The following GALK2 variants were observed in gnomAD, a reference collection of about 807,000 sequenced individuals.
GALK2 encodes the protein galactokinase 2.
GALK2 carries 36 observed loss-of-function variants against 52.4 expected under a neutral mutation model. The observed-to-expected ratio is 0.69, with a 90% CI of 0.53 to 0.91. The LOEUF is 0.91. GALK2 is among the 40% of genes least tolerant of loss of function. The pLI is 0.00. For missense variants in GALK2, 579 were observed against 559.1 expected (o/e 1.04, Z -0.36); for synonymous variants, 176 against 199.1 (o/e 0.88, Z 0.98).
At position 49,237,760 on chromosome 15, in the gene GALK2, C is replaced by T. The variant is rs533278684; in HGVS notation, c.358-1461C>T. Among the ~76,000 whole-genome samples, 10 of 152,282 alleles carry T rather than the reference C, an allele frequency of 6.6e-5. No individual in the cohort carries two copies. In the South Asian group the frequency reaches 1.5e-3, roughly 22 times the overall value. On this transcript the variant is annotated intron_variant, in intron 4 of 9. Transcript: ENST00000560031. ...AAAGTGCTGGGATTGCAGGTGTGAGCCACTGCGCCCGGCTGATAAGTTCTT... is the reference window on the plus strand; with the variant it reads ...AAAGTGCTGGGATTGCAGGTGTGAGTCACTGCGCCCGGCTGATAAGTTCTT...
At chr15:49,255,787 T>A (rs978205734) in intron 5 of GALK2, among the ~76,000 whole-genome samples, 1 of 152,166 alleles carries the variant, frequency 6.6e-6, no homozygotes, top group Admixed American at 6.6e-5. Context: ...GACTATAACA[T>A]AGTCTTCTAT....
At chr15:49,277,137 ATTTTTTTTTTTTTTTTTTT>A (rs1272500341) in intron 5 of GALK2, among the ~76,000 whole-genome samples, 3,843 of 35,960 alleles carry the variant, frequency 0.11, 230 homozygotes, top group African/African-American at 0.2. Context: ...TAATTTTTGT[ATTTTTTTTTTTTTTTTTTT>A]TTTTTTTTTT....
At chr15:49,353,854 A>G (rs1596427049) in intron 3 of GALK2, 1 of 152,226 alleles carries the variant, frequency 6.6e-6, no homozygotes, top group East Asian at 1.9e-4. Flanking sequence ...GGTTCTTACC[A>G]TATGTTAATT....
chr15:49,209,865 A>T (rs1359176963), intron 2 of GALK2, among the ~76,000 whole-genome samples: 1 of 152,202 alleles, frequency 6.6e-6, no homozygotes, highest in Non-Finnish European at 1.5e-5. Context: ...GTTTCAAAGA[A>T]TTCCCCGCCT....
At chr15:49,358,662 C>T (rs2043612467) in intron 3 of GALK2, among the ~76,000 whole-genome samples, 1 of 150,124 alleles carries the variant, frequency 6.7e-6, no homozygotes, top group Non-Finnish European at 1.5e-5. Flanking sequence ...GCCATACAGC[C>T]CAAGGTAATT....
At chr15:49,276,405 C>T (rs1358149742) in intron 5 of GALK2, among the ~76,000 whole-genome samples, 3 of 152,134 alleles carry the variant, frequency 2.0e-5, no homozygotes. Context: ...GAATGGTGTT[C>T]CTGAATTCAT....
intron 3 of GALK2, among the ~76,000 whole-genome samples, chr15:49,344,565 C>CT (rs1181391141): frequency 6.6e-6 from 1 of 152,150 alleles, no homozygotes; most frequent in African/African-American, 2.4e-5. Flanking sequence ...GACTGTAACT[C>CT]TTTTATCTGA....
chr15:49,278,984 C>A (rs562357192), intron 5 of GALK2, among the ~76,000 whole-genome samples: 112 of 152,290 alleles, frequency 7.4e-4, no homozygotes, highest in African/African-American at 2.6e-3. Context: ...GGGGAAATGC[C>A]AGACACTTAT....
At position 49,329,704 on chromosome 15, in the gene GALK2, GAATT is replaced by G. The variant is rs996498828; in HGVS notation, c.*1546_*1549del. The G allele has an allele frequency of 4.1e-6, 4 of 971,910 alleles. No homozygotes were observed. The highest frequency in any genetic ancestry group is 4.9e-6 in the Non-Finnish European group (4 of 818,544). The allele number at this position is 971,910 out of a possible 1,614,324, so 60.2% of individuals were successfully genotyped here. ...CTATAAATCCAAAAATCTGAAACCTGAATTTATTTAAATTTATAATCCTTTATTT... is the reference window on the plus strand; with the variant it reads ...CTATAAATCCAAAAATCTGAAACCTGTATTTAAATTTATAATCCTTTATTT... On this transcript the variant is annotated 3_prime_UTR_variant, in exon 10 of 10. Transcript: ENST00000560031.
At chr15:49,275,199 T>C (rs1166192249) in intron 5 of GALK2, among the ~76,000 whole-genome samples, 1 of 152,226 alleles carries the variant, frequency 6.6e-6, no homozygotes, top group Non-Finnish European at 1.5e-5. Context: ...CACTAGGTGA[T>C]AGGAATTGTT....
Position 49,194,753 on chromosome 15 carries a change from G to A in GALK2, c.54-6409G>A, listed in dbSNP as rs781763009. On this transcript the variant is annotated intron_variant, in intron 1 of 9. Transcript: ENST00000560031. Reference sequence around the variant, plus strand: ...TAGGATTACAAGCACGTGCCACCATGCCCAGCTAATTTTGTATTTATACTA... The same window carrying A: ...TAGGATTACAAGCACGTGCCACCATACCCAGCTAATTTTGTATTTATACTA... Among the ~76,000 whole-genome samples, 4 of 151,608 alleles carry A rather than the reference G, an allele frequency of 2.6e-5. No homozygotes were observed. In the East Asian group the frequency reaches 7.8e-4, roughly 30 times the overall value.
intron 2 of GALK2, among the ~76,000 whole-genome samples, chr15:49,211,993 T>A (rs983042663): frequency 6.6e-6 from 1 of 152,222 alleles, no homozygotes; most frequent in African/African-American, 2.4e-5. Flanking sequence ...ATATAGTTGC[T>A]CATAATAGTC....
At chr15:49,241,617 T>C (rs1055866018) in intron 5 of GALK2, among the ~76,000 whole-genome samples, 1 of 152,188 alleles carries the variant, frequency 6.6e-6, no homozygotes, top group African/African-American at 2.4e-5. Flanking sequence ...GAAGGGTCTA[T>C]AAGGGGTAAG....
intron 5 of GALK2, among the ~76,000 whole-genome samples, chr15:49,278,965 G>C (rs2141742082): frequency 6.6e-6 from 1 of 152,342 alleles, no homozygotes; most frequent in East Asian, 1.9e-4. Flanking sequence ...GGCGGAGTGA[G>C]TGCAGGCAGG....
At chr15:49,366,361 A>G (rs2045189818) in intron 3 of GALK2, 3 of 787,196 alleles carry the variant, frequency 3.8e-6, no homozygotes, top group Non-Finnish European at 7.0e-6. Context: ...TTGCTTCAGC[A>G]CCTCTTTTCT....
chr15:49,340,727 G>A (rs376251780), intron 3 of GALK2, among the ~76,000 whole-genome samples: 3 of 152,086 alleles, frequency 2.0e-5, no homozygotes, highest in Non-Finnish European at 2.9e-5. Context: ...TATTGACTAC[G>A]TTGATGTTTT....
intron 5 of GALK2, among the ~76,000 whole-genome samples, chr15:49,251,434 G>T (rs976193108): frequency 7.2e-5 from 11 of 152,296 alleles, no homozygotes; most frequent in African/African-American, 2.4e-4. Flanking sequence ...TTAGGGAAGA[G>T]AAATGATTAG....
chr15:49,242,457 G>A (rs995098965), intron 5 of GALK2, among the ~76,000 whole-genome samples: 5 of 152,180 alleles, frequency 3.3e-5, no homozygotes, highest in African/African-American at 1.2e-4. Context: ...GCCTTTTGGG[G>A]TAGGGGAAGT....
intron 7 of GALK2, among the ~76,000 whole-genome samples, chr15:49,289,744 C>T (rs1309765567): frequency 6.6e-6 from 1 of 152,162 alleles, no homozygotes; most frequent in Non-Finnish European, 1.5e-5. Context: ...GTTTCACTTT[C>T]CATTCCTCTC....
Sources: allele counts gnomAD v4.1 joint callset (sites outside exome capture counted in the v4.1 genomes callset), GRCh38; gene constraint gnomAD v4.1.1; transcripts MANE v1.5; gene names NCBI Gene and HGNC (gene_info 2026-07-23, HGNC 2026-07-21).